ZNF804B: variants seen among roughly 807,000 people sequenced by gnomAD.
ZNF804B encodes zinc finger 804B.
ZNF804B carries 80 observed loss-of-function variants against 101.4 expected under a neutral mutation model. That is an observed-to-expected ratio of 0.79 (90% confidence interval 0.66 to 0.95). The LOEUF is 0.95. ZNF804B is among the 40% of genes least tolerant of loss of function. The pLI, the probability that ZNF804B is intolerant of heterozygous loss-of-function variation, is 0.00. For missense variants in ZNF804B, 1,673 were observed against 1,561.9 expected, an observed-to-expected ratio of 1.07 and a Z score of -1.20; for synonymous variants, 622 against 558.8, an observed-to-expected ratio of 1.11 and a Z score of -1.59.
intron 1 of ZNF804B, among the ~76,000 whole-genome samples, chr7:88,769,289 T>G (rs2519947): frequency 0.47 from 71,375 of 152,070 alleles, 20,210 homozygotes; most frequent in African/African-American, 0.78. Context: ...TCCCCAGTTA[T>G]AATTTTTTAG....
chr7:88,811,071 A>G (rs1644835805), intron 1 of ZNF804B, among the ~76,000 whole-genome samples: 1 of 152,096 alleles, frequency 6.6e-6, no homozygotes, highest in Admixed American at 6.5e-5. Flanking sequence ...AAAAAACATT[A>G]AAAAACAGAC....
At chr7:89,328,420 A>C (rs1790928790) in intron 3 of ZNF804B, among the ~76,000 whole-genome samples, 1 of 151,938 alleles carries the variant, frequency 6.6e-6, no homozygotes, top group African/African-American at 2.4e-5. Flanking sequence ...TATTAACAAG[A>C]AATGAGAAAT....
At chr7:89,213,919 G>C (rs1054651288) in intron 1 of ZNF804B, among the ~76,000 whole-genome samples, 1 of 152,150 alleles carries the variant, frequency 6.6e-6, no homozygotes, top group Non-Finnish European at 1.5e-5. Flanking sequence ...AGTTCATGAG[G>C]AGTTAATGTG....
Position 89,123,731 on chromosome 7 carries a change from T to C in ZNF804B, c.109-94424T>C, listed in dbSNP as rs1264470289. ...TAACAGCATATAAGTATTAATGTTA[T>C]TACCCTTTTATAGGTGAGGAAACTG... On this transcript the variant is annotated intron_variant, in intron 1 of 3. Transcript: ENST00000333190. Among the ~76,000 whole-genome samples, 3 of 152,146 alleles carry C rather than the reference T, an allele frequency of 2.0e-5. No individual in the cohort carries two copies. The East Asian group carries it at 5.8e-4, about 29-fold the overall frequency.
chr7:89,182,231 G>A (rs1019272420), intron 1 of ZNF804B, among the ~76,000 whole-genome samples: 2 of 152,168 alleles, frequency 1.3e-5, no homozygotes, highest in Non-Finnish European at 2.9e-5. Context: ...AAATTGAGAT[G>A]CCATGTAAAA....
At chr7:89,232,438 T>C (rs764549047) in intron 2 of ZNF804B, among the ~76,000 whole-genome samples, 1 of 152,116 alleles carries the variant, frequency 6.6e-6, no homozygotes, top group Non-Finnish European at 1.5e-5. Flanking sequence ...TAGAAATGAG[T>C]GGGAAATGTT....
chr7:89,147,356 T>C (rs561888091), intron 1 of ZNF804B, among the ~76,000 whole-genome samples: 1 of 152,142 alleles, frequency 6.6e-6, no homozygotes, highest in East Asian at 1.9e-4. Context: ...ATGGTAAAGA[T>C]TTCTTTTCTC....
At chr7:89,069,567 G>T (rs1170452840) in intron 1 of ZNF804B, among the ~76,000 whole-genome samples, 2 of 151,770 alleles carry the variant, frequency 1.3e-5, no homozygotes, top group African/African-American at 2.4e-5. Context: ...TTCAAAGTAT[G>T]ATATACGATA....
chr7:88,991,729 G>C (rs775697784), intron 1 of ZNF804B, among the ~76,000 whole-genome samples: 4 of 152,054 alleles, frequency 2.6e-5, no homozygotes, highest in Non-Finnish European at 4.4e-5. Context: ...CCACTAACTT[G>C]TCCTTCAGTT....
chr7:88,950,065 C>T (rs1215862910), intron 1 of ZNF804B, among the ~76,000 whole-genome samples: 3 of 151,908 alleles, frequency 2.0e-5, no homozygotes, highest in African/African-American at 7.2e-5. Context: ...ATCCTGCAAC[C>T]TTGCTAAACT....
intron 1 of ZNF804B, among the ~76,000 whole-genome samples, chr7:89,042,271 CA>C (rs1789027230): frequency 6.6e-6 from 1 of 152,096 alleles, no homozygotes; most frequent in Non-Finnish European, 1.5e-5. Flanking sequence ...AACAGTGTTT[CA>C]AAATGCAATC....
chr7:89,235,222 T>C (rs1297367183), intron 2 of ZNF804B, among the ~76,000 whole-genome samples: 1 of 152,172 alleles, frequency 6.6e-6, no homozygotes, highest in Non-Finnish European at 1.5e-5. Flanking sequence ...ACTAGAAATT[T>C]CTGTTTATTT....
In ZNF804B at chr7:89,276,335, A is replaced by G. The variant is rs1448896190; in HGVS notation, c.250-51009A>G. On this transcript the variant is annotated intron_variant, in intron 2 of 3. Transcript: ENST00000333190. Reference sequence around the variant, plus strand: ...TACCCTGGAACTTAAAATAAAAATTACTCCATGTGCAGTTATATAGGTAAA... The same window carrying G: ...TACCCTGGAACTTAAAATAAAAATTGCTCCATGTGCAGTTATATAGGTAAA... 4.6e-5 allele frequency among the ~76,000 whole-genome samples: 7 copies of G among 151,780 alleles called. No homozygotes were observed. In the East Asian group the frequency reaches 1.2e-3, roughly 25 times the overall value.
chr7:88,855,121 T>TA (rs1791534885), intron 1 of ZNF804B, among the ~76,000 whole-genome samples: 1 of 152,046 alleles, frequency 6.6e-6, no homozygotes, highest in Non-Finnish European at 1.5e-5. Context: ...ATATACCCAG[T>TA]AATGGCATTG....
At chr7:89,192,397 C>A (rs552629227) in intron 1 of ZNF804B, among the ~76,000 whole-genome samples, 285 of 151,352 alleles carry the variant, frequency 1.9e-3, no homozygotes, top group Non-Finnish European at 2.9e-3. Flanking sequence ...TATGTCCATA[C>A]AATAGAATGC....
intron 1 of ZNF804B, among the ~76,000 whole-genome samples, chr7:88,938,686 A>C (rs1793009640): frequency 6.6e-6 from 1 of 152,046 alleles, no homozygotes; most frequent in Admixed American, 6.6e-5. Context: ...TTAGAGCAAA[A>C]GTGGAAGTCT....
At chr7:88,800,605 T>A (rs950056852) in intron 1 of ZNF804B, among the ~76,000 whole-genome samples, 1 of 151,472 alleles carries the variant, frequency 6.6e-6, no homozygotes, top group African/African-American at 2.4e-5. Flanking sequence ...ATATAAACAA[T>A]GAACAATGAA....
intron 2 of ZNF804B, among the ~76,000 whole-genome samples, chr7:89,220,678 C>T (rs1382931560): frequency 1.3e-5 from 2 of 151,888 alleles, no homozygotes; most frequent in African/African-American, 4.8e-5. Context: ...TAAAAATCAA[C>T]AGTAAATTTT....
At chr7:88,842,792 G>T (rs1029673636) in intron 1 of ZNF804B, among the ~76,000 whole-genome samples, 1 of 152,140 alleles carries the variant, frequency 6.6e-6, no homozygotes, top group African/African-American at 2.4e-5. Context: ...CCTGACCCAA[G>T]CTTGTTAAAG....
Sources: allele counts gnomAD v4.1 joint callset (sites outside exome capture counted in the v4.1 genomes callset), GRCh38; gene constraint gnomAD v4.1.1; transcripts MANE v1.5; gene names NCBI Gene and HGNC (gene_info 2026-07-23, HGNC 2026-07-21).